The following LMO7 variants were observed in gnomAD, a reference collection of about 807,000 sequenced individuals.
LMO7 encodes LIM domain 7, also known as LIM domain only protein 7.
A neutral mutation model predicts 206.5 loss-of-function variants in LMO7; 120 were observed. The ratio of observed to expected loss-of-function variants is 0.58; its 90% confidence interval spans 0.50 to 0.68. The LOEUF (loss-of-function observed/expected upper bound fraction) is 0.68, where lower values mean the gene tolerates loss of function less well. Ranked by LOEUF, LMO7 falls within the 30% of genes least tolerant of loss-of-function variation. The pLI is 0.00. For synonymous variants in LMO7, 706 were observed against 681.5 expected (o/e 1.04, Z -0.56); for missense variants, 1,959 against 1,957.9 (o/e 1.00, Z -0.01).
chr13:75,651,068 A>G (rs568051035), intron 1 of LMO7, among the ~76,000 whole-genome samples: 53 of 152,318 alleles, frequency 3.5e-4, no homozygotes, highest in African/African-American at 1.1e-3. Context: ...ACATTTTTAG[A>G]CTTGGAAAAT....
intron 3 of LMO7, among the ~76,000 whole-genome samples, chr13:75,737,238 C>T (rs2045901620): frequency 6.6e-6 from 1 of 152,096 alleles, no homozygotes; most frequent in East Asian, 1.9e-4. Flanking sequence ...GATGCATCTA[C>T]AAGCCAGAGA....
intron 2 of LMO7, chr13:75,628,649 C>T (rs2034514388): frequency 6.6e-6 from 1 of 152,136 alleles, no homozygotes; most frequent in Admixed American, 6.5e-5. Context: ...TATTTCTGAA[C>T]TTATAAGGGC....
At chr13:75,820,428 G>A (rs1334483116) in intron 13 of LMO7, among the ~76,000 whole-genome samples, 1 of 152,108 alleles carries the variant, frequency 6.6e-6, no homozygotes, top group Non-Finnish European at 1.5e-5. Flanking sequence ...CTAAATTACT[G>A]TAAATTTTTG....
At chr13:75,795,498 G>A in intron 5 of LMO7, 67 bp downstream of exon 5, 1 of 1,132,084 alleles carries the variant, frequency 8.8e-7, no homozygotes, top group East Asian at 2.4e-5. Context: ...TAAGAAGGCA[G>A]TGAATCTAAA....
rs1787041217 is a variant in LMO7, at chr13:75,855,137, A to C, written c.4662-123A>C. 6 of 554,856 alleles carry C rather than the reference A, an allele frequency of 1.1e-5. No individual in the cohort carries two copies. The South Asian group carries it at 1.9e-4, about 17-fold the overall frequency. The allele number at this position is 554,856 out of a possible 1,614,324, so 34.4% of individuals were successfully genotyped here. On this transcript the variant is annotated intron_variant, in intron 28 of 30. Coordinates refer to ENST00000377534, the MANE Select transcript of LMO7 (RefSeq NM_001306080.2). Reference sequence around the variant, plus strand: ...GTTGGCTGGTAAAAGTTATTCTCCCACAGATATATGTATAGAGCTTTTCTT... The same window carrying C: ...GTTGGCTGGTAAAAGTTATTCTCCCCCAGATATATGTATAGAGCTTTTCTT...
At chr13:75,782,274 A>G (rs1336451730) in intron 4 of LMO7, among the ~76,000 whole-genome samples, 1 of 152,214 alleles carries the variant, frequency 6.6e-6, no homozygotes, top group Non-Finnish European at 1.5e-5. Context: ...TGAGGATTAA[A>G]AGGGAGAATT....
At chr13:75,780,022 A>G (rs2051078342) in intron 4 of LMO7, among the ~76,000 whole-genome samples, 1 of 152,118 alleles carries the variant, frequency 6.6e-6, no homozygotes, top group South Asian at 2.1e-4. Flanking sequence ...AAAGGGGAGG[A>G]GTATACAAAT....
intron 15 of LMO7, among the ~76,000 whole-genome samples, chr13:75,826,876 A>T (rs898814245): frequency 6.6e-6 from 1 of 152,142 alleles, no homozygotes; most frequent in East Asian, 1.9e-4. Flanking sequence ...ATTCACCTGC[A>T]TACCACTGCT....
chr13:75,719,314 C>G (rs1246633602), intron 2 of LMO7, among the ~76,000 whole-genome samples: 3 of 152,126 alleles, frequency 2.0e-5, no homozygotes, highest in Admixed American at 2.0e-4. Flanking sequence ...TAACGTTCTA[C>G]TGTCTGGAGG....
At chr13:75,714,003 A>T (rs916572699) in intron 2 of LMO7, among the ~76,000 whole-genome samples, 7 of 152,190 alleles carry the variant, frequency 4.6e-5, no homozygotes, top group Non-Finnish European at 8.8e-5. Context: ...GTACTTGAGT[A>T]CTCACCCACA....
At chr13:75,657,191 T>C (rs2038138035) in intron 1 of LMO7, among the ~76,000 whole-genome samples, 1 of 152,206 alleles carries the variant, frequency 6.6e-6, no homozygotes, top group African/African-American at 2.4e-5. Flanking sequence ...GGCAAGGATC[T>C]GTTCCCTGTG....
chr13:75,663,432 C>CTTTT (rs1178254643), intron 1 of LMO7, among the ~76,000 whole-genome samples: 95 of 111,382 alleles, frequency 8.5e-4, no homozygotes, highest in African/African-American at 3.1e-3. Context: ...TTCTTTCTTT[C>CTTTT]TTTTTTTTTT....
intron 1 of LMO7, among the ~76,000 whole-genome samples, chr13:75,687,426 T>TG (rs898024029): frequency 6.6e-6 from 1 of 152,172 alleles, no homozygotes; most frequent in African/African-American, 2.4e-5. Flanking sequence ...CTGAGATTCT[T>TG]GGGGAAAAAG....
chr13:75,800,771 G>T lies in LMO7; in HGVS notation c.550G>T (p.Ala184Ser). Residue 184 changes from alanine (A) to serine (S), a missense_variant, in exon 7 of 31, where the codon GCT (alanine) becomes TCT (serine). Physicochemically the swap from Ala to Ser is moderately conservative, Grantham distance 99. Transcript: ENST00000377534. Reference sequence around the variant, plus strand: ...GTGTCCTGAACGTGGAGAATTTCTTGCTCCTCCAAGGCACCATAAGAGAGA... The same window carrying T: ...GTGTCCTGAACGTGGAGAATTTCTTTCTCCTCCAAGGCACCATAAGAGAGA... ...IWCPERGEFL[A>S]PPRHHKREDS... 1 of 1,614,046 alleles carries T rather than the reference G, an allele frequency of 6.2e-7. No individual in the cohort carries two copies. The highest frequency in any genetic ancestry group is 1.1e-5 in the South Asian group (1 of 91,084).
chr13:75,833,654 CTT>C (rs1416107475), intron 16 of LMO7, among the ~76,000 whole-genome samples: 2 of 152,100 alleles, frequency 1.3e-5, no homozygotes, highest in African/African-American at 4.8e-5. Context: ...CCCAGGAACT[CTT>C]TGCAAAACAT....
chr13:75,795,462 T>A lies in LMO7; in HGVS notation c.348+31T>A, dbSNP rs756993327. Reference sequence around the variant, plus strand: ...ATACATTTACCTTAATGGAGCATTATAAGTGGCTTTCACTTTCATGTTCTG... The same window carrying A: ...ATACATTTACCTTAATGGAGCATTAAAAGTGGCTTTCACTTTCATGTTCTG... On this transcript the variant is annotated intron_variant, in intron 5 of 30. Transcript: ENST00000377534. 4.8e-5 allele frequency: 73 copies of A among 1,512,322 alleles called. 1 individual carries two copies. The highest frequency in any genetic ancestry group is 6.5e-5 in the Non-Finnish European group (71 of 1,096,646). 93.7% of individuals were successfully genotyped at this position (1,512,322 alleles called of 1,614,324 possible).
chr13:75,747,689 A>T (rs933002779), intron 3 of LMO7, among the ~76,000 whole-genome samples: 14 of 152,176 alleles, frequency 9.2e-5, no homozygotes, highest in Admixed American at 5.2e-4. Context: ...GTGGCATGGC[A>T]GTTGTGGTAG....
chr13:75,718,736 C>T (rs2043768997), intron 2 of LMO7, among the ~76,000 whole-genome samples: 1 of 152,140 alleles, frequency 6.6e-6, no homozygotes, highest in Non-Finnish European at 1.5e-5. Flanking sequence ...ATGTACCCAT[C>T]ATTATAGTAT....
intron 8 of LMO7, chr13:75,804,850 T>C: frequency 1.1e-5 from 12 of 1,069,906 alleles, no homozygotes; most frequent in Non-Finnish European, 1.4e-5. Context: ...GTTTTTCCTT[T>C]TTTGATTGAT....
Sources: gnomAD v4.1 joint callset for allele counts (sites outside exome capture counted in the v4.1 genomes callset) on GRCh38, gnomAD v4.1.1 for gene constraint, MANE v1.5 for transcripts, NCBI Gene and HGNC (gene_info 2026-07-23, HGNC 2026-07-21) for gene names.